SSNA1: variants seen among roughly 807,000 people sequenced by gnomAD.
The protein encoded by SSNA1 is microtubule nucleation factor SSNA1.
A neutral mutation model predicts 13.3 loss-of-function variants in SSNA1; 13 were observed. The ratio of observed to expected loss-of-function variants is 0.97; its 90% confidence interval spans 0.63 to 1.55. SSNA1 has a LOEUF of 1.55. Ranked by LOEUF, SSNA1 falls within the 40% of genes most tolerant of loss-of-function variation. The pLI is 0.00. For synonymous variants in SSNA1, 89 were observed against 65.9 expected (o/e 1.35, Z -1.70); for missense variants, 186 against 152.7 (o/e 1.22, Z -1.15).
In SSNA1 at chr9:137,188,707, G is replaced by A; in HGVS notation, c.-20G>A. ...GCTTCCGCGGCGGTTGGGGTGGTGGGGCCCCGGGCGGCGTTGACCATGACC... is the reference window on the plus strand; with the variant it reads ...GCTTCCGCGGCGGTTGGGGTGGTGGAGCCCCGGGCGGCGTTGACCATGACC... On this transcript the variant is annotated 5_prime_UTR_variant, in exon 1 of 3. Coordinates refer to ENST00000322310, the MANE Select transcript of SSNA1 (RefSeq NM_003731.3). The A allele has an allele frequency of 5.7e-6, 9 of 1,578,482 alleles. No homozygotes were observed. The highest frequency in any genetic ancestry group is 7.7e-6 in the Non-Finnish European group (9 of 1,170,780).
chr9:137,189,262 C>A lies in SSNA1; in HGVS notation c.249C>A (p.Leu83=), dbSNP rs769835304. ...TCGCGGAGACGGAGGCCGCCTACCTCAAGGTGGAGCTCGGGAGGCCAGGCC... is the reference window on the plus strand; with the variant it reads ...TCGCGGAGACGGAGGCCGCCTACCTAAAGGTGGAGCTCGGGAGGCCAGGCC... ...RTIAETEAAY[L]KILESSQTLL... The change falls in exon 2 of 3, where the codon CTC becomes CTA. Residue 83 remains leucine, a synonymous_variant. Coordinates refer to ENST00000322310, the MANE Select transcript of SSNA1 (RefSeq NM_003731.3). The A allele has an allele frequency of 5.6e-6, 9 of 1,612,984 alleles. No individual in the cohort carries two copies. The South Asian group carries it at 9.9e-5, about 18-fold the overall frequency.
In SSNA1 at chr9:137,189,822, C is replaced by T. The variant is rs1834571632; in HGVS notation, c.268C>T (p.Gln90Ter). ...AAYLKILESS[Q>*]TLLSVLKREA... ...CTGGCCCCAGATCCTGGAGAGCTCCCAGACTTTGCTCAGCGTTCTCAAGAG... is the reference window on the plus strand; with the variant it reads ...CTGGCCCCAGATCCTGGAGAGCTCCTAGACTTTGCTCAGCGTTCTCAAGAG... The change falls in exon 3 of 3, where the codon CAG becomes TAG. Residue 90 changes from glutamine to a stop codon, truncating the protein, a stop_gained. Coordinates refer to ENST00000322310, the MANE Select transcript of SSNA1 (RefSeq NM_003731.3). LOFTEE classifies it high-confidence loss of function. The T allele has an allele frequency of 1.2e-6, 2 of 1,613,878 alleles. No individual in the cohort carries two copies. Among genetic ancestry groups the T allele is most frequent in the African/African-American group, 1.3e-5 (1 of 74,942 alleles).
intron 1 of SSNA1, 124 bp downstream of exon 1, chr9:137,188,902 C>T (rs921156809): frequency 6.0e-6 from 8 of 1,324,358 alleles, no homozygotes; most frequent in Middle Eastern, 5.4e-4. Flanking sequence ...GCCCTCCGTG[C>T]CGGAGGCCGG....
Position 137,190,006 on chromosome 9 carries a change from C to G in SSNA1, c.*92C>G. 1 of 1,156,276 alleles carries G rather than the reference C, an allele frequency of 8.6e-7. No individual in the cohort carries two copies. Among genetic ancestry groups the G allele is most frequent in the Non-Finnish European group, 1.3e-6 (1 of 795,396 alleles). The allele number at this position is 1,156,276 out of a possible 1,614,324, so 71.6% of individuals were successfully genotyped here. On this transcript the variant is annotated 3_prime_UTR_variant, in exon 3 of 3. Transcript: ENST00000322310. The stretch of plus-strand genomic sequence containing the variant: ...GCATCTTTGTTCTTCACGGCAGCAG[C>G]TACCTTCCCTCACTGTCTCAGGTGC...
At position 137,188,726 on chromosome 9, in the gene SSNA1, C is replaced by T. The variant is rs1311369341; in HGVS notation, c.-1C>T. The T allele has an allele frequency of 6.3e-7, 1 of 1,584,826 alleles. No homozygotes were observed. Among genetic ancestry groups the T allele is most frequent in the South Asian group, 1.1e-5 (1 of 89,328 alleles). ...TGGTGGGGCCCCGGGCGGCGTTGACCATGACCCAGCAGGGCGCGGCGCTGC... is the reference window on the plus strand; with the variant it reads ...TGGTGGGGCCCCGGGCGGCGTTGACTATGACCCAGCAGGGCGCGGCGCTGC... On this transcript the variant is annotated 5_prime_UTR_variant, in exon 1 of 3. Transcript: ENST00000322310.
At position 137,188,774 on chromosome 9, in the gene SSNA1, C is replaced by T. The variant is rs752781490; in HGVS notation, c.48C>T (p.Val16=). ...AALQNYNNEL[V]KCIEELCQKR... is the part of the protein sequence containing the mutation. ...TGCAGAACTACAACAACGAGCTGGTCAAGTGTGAGCGGCGCAGCCGGGACG... is the reference window on the plus strand; with the variant it reads ...TGCAGAACTACAACAACGAGCTGGTTAAGTGTGAGCGGCGCAGCCGGGACG... Residue 16 remains valine, a synonymous_variant, in exon 1 of 3, where the codon GTC becomes GTT. Transcript: ENST00000322310. The T allele has an allele frequency of 1.3e-6, 2 of 1,577,848 alleles. No individual in the cohort carries two copies. The highest frequency in any genetic ancestry group is 1.7e-6 in the Non-Finnish European group (2 of 1,169,910).
chr9:137,189,929 G>C lies in SSNA1; in HGVS notation c.*15G>C. 6.2e-7 allele frequency: 1 copy of C among 1,609,628 alleles called. No homozygotes were observed. Among genetic ancestry groups the C allele is most frequent in the Non-Finnish European group, 8.5e-7 (1 of 1,176,940 alleles). Reference sequence around the variant, plus strand: ...GGGACAGCTGACCAGACCACGGGCAGGGCCTGCCTCCGTGTGCCCCTCAGC... The same window carrying C: ...GGGACAGCTGACCAGACCACGGGCACGGCCTGCCTCCGTGTGCCCCTCAGC... On this transcript the variant is annotated 3_prime_UTR_variant, in exon 3 of 3. Coordinates refer to ENST00000322310, the MANE Select transcript of SSNA1 (RefSeq NM_003731.3).
intron 2 of SSNA1, 22 bp downstream of exon 2, chr9:137,189,287 C>G (rs1315973931): frequency 1.2e-6 from 2 of 1,612,216 alleles, no homozygotes; most frequent in Non-Finnish European, 1.7e-6. Context: ...GAGGCCAGGC[C>G]GAGCATCAGG....
In SSNA1 at chr9:137,189,897, G is replaced by T. The variant is rs137988071; in HGVS notation, c.343G>T (p.Gly115Cys). The T allele has an allele frequency of 6.2e-7, 1 of 1,613,578 alleles. No individual in the cohort carries two copies. ...KATAPDQKSSGGRDS is the reference protein window; with the variant it reads ...KATAPDQKSSCGRDS ...TACAGCCCCAGACCAGAAAAGTAGC[G>T]GCGGCAGGGACAGCTGACCAGACCA... The change falls in exon 3 of 3, where the codon GGC (glycine) becomes TGC (cysteine). Residue 115 changes from glycine (G) to cysteine (C), a missense_variant. Gly to Cys is a radical substitution (Grantham distance 159). Coordinates refer to ENST00000322310, the MANE Select transcript of SSNA1 (RefSeq NM_003731.3).
intron 1 of SSNA1, 38 bp from the exon 2 acceptor site, chr9:137,189,028 T>A (rs562101891): frequency 1.3e-6 from 2 of 1,545,996 alleles, no homozygotes; most frequent in African/African-American, 1.4e-5. Context: ...GCCGCGCTCC[T>A]GCCCTGGGCC....
At position 137,188,884 on chromosome 9, in the gene SSNA1, T is replaced by G. The variant is rs1327218518; in HGVS notation, c.52+106T>G. Reference sequence around the variant, plus strand: ...CGCCTCGCTGCGGGCATCGCGCGGCTGAGCAGAGCCCTCCGTGCCGGAGGC... The same window carrying G: ...CGCCTCGCTGCGGGCATCGCGCGGCGGAGCAGAGCCCTCCGTGCCGGAGGC... On this transcript the variant is annotated intron_variant, in intron 1 of 2. Coordinates refer to ENST00000322310, the MANE Select transcript of SSNA1 (RefSeq NM_003731.3). 2.2e-6 allele frequency: 3 copies of G among 1,357,804 alleles called. No homozygotes were observed. The African/African-American group carries it at 4.6e-5, about 21-fold the overall frequency. 84.1% of individuals were successfully genotyped at this position (1,357,804 alleles called of 1,614,324 possible).
Position 137,189,918 on chromosome 9 carries a change from G to T in SSNA1, c.*4G>T. 1 of 1,612,856 alleles carries T rather than the reference G, an allele frequency of 6.2e-7. No homozygotes were observed. The highest frequency in any genetic ancestry group is 1.1e-5 in the South Asian group (1 of 91,046). Reference sequence around the variant, plus strand: ...TAGCGGCGGCAGGGACAGCTGACCAGACCACGGGCAGGGCCTGCCTCCGTG... The same window carrying T: ...TAGCGGCGGCAGGGACAGCTGACCATACCACGGGCAGGGCCTGCCTCCGTG... On this transcript the variant is annotated 3_prime_UTR_variant, in exon 3 of 3. Coordinates refer to ENST00000322310, the MANE Select transcript of SSNA1 (RefSeq NM_003731.3).
In SSNA1 at chr9:137,189,178, C is replaced by T. The variant is rs765062660; in HGVS notation, c.165C>T (p.Ala55=). The T allele has an allele frequency of 3.1e-6, 5 of 1,613,076 alleles. No individual in the cohort carries two copies. Among genetic ancestry groups the T allele is most frequent in the Admixed American group, 1.7e-5 (1 of 60,018 alleles). Residue 55 remains alanine, a synonymous_variant, in exon 2 of 3, where the codon GCC becomes GCT. Transcript: ENST00000322310. ...NEVRQLTEKL[A]RVNENLARKI... is the part of the protein sequence containing the mutation. ...TGAGGCAGCTGACAGAGAAGCTGGC[C>T]CGCGTCAACGAGAACCTGGCACGCA...
rs1374339498 is a variant in SSNA1 at position 137,188,898 on chromosome 9, C to A, written c.52+120C>A. 6.0e-6 allele frequency: 8 copies of A among 1,332,900 alleles called. No homozygotes were observed. In the African/African-American group the frequency reaches 1.2e-4, roughly 21 times the overall value. The allele number at this position is 1,332,900 out of a possible 1,614,324, so 82.6% of individuals were successfully genotyped here. ...CATCGCGCGGCTGAGCAGAGCCCTCCGTGCCGGAGGCCGGGTGTCCGTGGC... is the reference window on the plus strand; with the variant it reads ...CATCGCGCGGCTGAGCAGAGCCCTCAGTGCCGGAGGCCGGGTGTCCGTGGC... On this transcript the variant is annotated intron_variant, in intron 1 of 2. Transcript: ENST00000322310.
Position 137,189,053 on chromosome 9 carries a change from T to A in SSNA1, c.53-13T>A. The stretch of plus-strand genomic sequence containing the variant: ...TGCCCTGGGCCCACAGCGCCGCCCC[T>A]CCCGGCCCCCAGGCATAGAGGAGCT... On this transcript the variant is annotated splice_polypyrimidine_tract_variant and intron_variant, in intron 1 of 2. Coordinates refer to ENST00000322310, the MANE Select transcript of SSNA1 (RefSeq NM_003731.3). 6.4e-7 allele frequency: 1 copy of A among 1,554,478 alleles called. No homozygotes were observed. The highest frequency in any genetic ancestry group is 8.7e-7 in the Non-Finnish European group (1 of 1,148,686).
chr9:137,189,109 GA>G lies in SSNA1; in HGVS notation c.97del (p.Ile33SerfsTer15). On this transcript the variant is annotated frameshift_variant, in exon 2 of 3. Coordinates refer to ENST00000322310, the MANE Select transcript of SSNA1 (RefSeq NM_003731.3). LOFTEE classifies it high-confidence loss of function. Reference sequence around the variant, plus strand: ...AGAAGCGGGAGGAGCTGTGCCGGCAGATCCAGGAGGAGGAGGACGAGAAGCA... The same window carrying G: ...AGAAGCGGGAGGAGCTGTGCCGGCAGTCCAGGAGGAGGAGGACGAGAAGCA... ...CQKREELCRQ[I>X]QEEEDEKQRL... 1 of 1,600,160 alleles carries G rather than the reference GA, an allele frequency of 6.2e-7. No homozygotes were observed. Among genetic ancestry groups the G allele is most frequent in the Non-Finnish European group, 8.5e-7 (1 of 1,173,672 alleles).
rs1360810913 is a variant in SSNA1, at chr9:137,189,152, G to A, written c.139G>A (p.Val47Met). The change falls in exon 2 of 3, where the codon GTG becomes ATG. Residue 47 changes from valine to methionine, a missense_variant. Val to Met is a conservative substitution (Grantham distance 21, BLOSUM62 1). Coordinates refer to ENST00000322310, the MANE Select transcript of SSNA1 (RefSeq NM_003731.3). ...CGAGAAGCAGCGGCTGCAGAATGAGGTGAGGCAGCTGACAGAGAAGCTGGC... is the reference window on the plus strand; with the variant it reads ...CGAGAAGCAGCGGCTGCAGAATGAGATGAGGCAGCTGACAGAGAAGCTGGC... ...EDEKQRLQNE[V>M]RQLTEKLARV... The A allele has an allele frequency of 1.9e-6, 3 of 1,612,128 alleles. No homozygotes were observed. The highest frequency in any genetic ancestry group is 1.1e-5 in the South Asian group (1 of 90,898).
At position 137,188,775 on chromosome 9, in the gene SSNA1, A is replaced by G; in HGVS notation, c.49A>G (p.Lys17Glu). Reference sequence around the variant, plus strand: ...GCAGAACTACAACAACGAGCTGGTCAAGTGTGAGCGGCGCAGCCGGGACGG... The same window carrying G: ...GCAGAACTACAACAACGAGCTGGTCGAGTGTGAGCGGCGCAGCCGGGACGG... Reference protein sequence around the residue: ...ALQNYNNELVKCIEELCQKRE... With the variant: ...ALQNYNNELVECIEELCQKRE... The change falls in exon 1 of 3, where the codon AAG becomes GAG. Residue 17 changes from lysine to glutamate, a missense_variant. Transcript: ENST00000322310. The G allele has an allele frequency of 6.3e-7, 1 of 1,578,104 alleles. No homozygotes were observed. Among genetic ancestry groups the G allele is most frequent in the Non-Finnish European group, 8.5e-7 (1 of 1,169,940 alleles).
At position 137,190,008 on chromosome 9, in the gene SSNA1, A is replaced by G; in HGVS notation, c.*94A>G. ...ATCTTTGTTCTTCACGGCAGCAGCT[A>G]CCTTCCCTCACTGTCTCAGGTGCCG... On this transcript the variant is annotated 3_prime_UTR_variant, in exon 3 of 3. Coordinates refer to ENST00000322310, the MANE Select transcript of SSNA1 (RefSeq NM_003731.3). The G allele has an allele frequency of 1.8e-6, 2 of 1,124,866 alleles. No individual in the cohort carries two copies. The highest frequency in any genetic ancestry group is 2.6e-6 in the Non-Finnish European group (2 of 769,424). The allele number at this position is 1,124,866 out of a possible 1,614,324, so 69.7% of individuals were successfully genotyped here. A position where few individuals can be genotyped will look rare whatever the true frequency, so the allele number is the denominator to read the frequency against.
Sources: allele counts gnomAD v4.1 joint callset, GRCh38; gene constraint gnomAD v4.1.1; transcripts MANE v1.5; gene names NCBI Gene and HGNC (gene_info 2026-07-23, HGNC 2026-07-21).